The following BAZ2B variants were observed in gnomAD, a reference collection of about 807,000 sequenced individuals.
The protein encoded by BAZ2B is bromodomain adjacent to zinc finger domain 2B.
A neutral mutation model predicts 246.0 loss-of-function variants in BAZ2B; 91 were observed. The observed-to-expected ratio is 0.37, with a 90% CI of 0.31 to 0.44. The LOEUF is 0.44. Among genes scored for constraint, BAZ2B ranks in the 20% least tolerant of loss-of-function variants. The pLI is 1.00. For synonymous variants in BAZ2B, 855 were observed against 860.0 expected, an observed-to-expected ratio of 0.99 and a Z score of 0.10; for missense variants, 2,332 against 2,533.7, an observed-to-expected ratio of 0.92 and a Z score of 1.71.
chr2:159,570,313 C>T (rs4665081), intron 1 of BAZ2B, among the ~76,000 whole-genome samples: 83,782 of 151,790 alleles, frequency 0.55, 23,896 homozygotes, highest in East Asian at 0.74. Context: ...GCCTCCCGAG[C>T]AGTTGGGACT....
At chr2:159,596,357 T>C (rs1690705617) in intron 1 of BAZ2B, among the ~76,000 whole-genome samples, 1 of 152,210 alleles carries the variant, frequency 6.6e-6, no homozygotes, top group African/African-American at 2.4e-5. Context: ...TTTATAAAAA[T>C]ATGCGTGACA....
chr2:159,585,358 A>G lies in BAZ2B; in HGVS notation c.-45-29493T>C, dbSNP rs138381160. Reference sequence around the variant, plus strand: ...TATTTTAGGGATATAGTTGCAAAAAATACAATGATTTACAATTAGGGGATC... The same window carrying G: ...TATTTTAGGGATATAGTTGCAAAAAGTACAATGATTTACAATTAGGGGATC... On this transcript the variant is annotated intron_variant, in intron 1 of 36. Transcript: ENST00000392783. Among the ~76,000 whole-genome samples the G allele has an allele frequency of 2.4e-3, 372 of 152,370 alleles. 2 individuals are homozygous for G. Among genetic ancestry groups the G allele is most frequent in the Middle Eastern group, 6.8e-3 (2 of 294 alleles).
intron 1 of BAZ2B, among the ~76,000 whole-genome samples, chr2:159,608,371 T>C (rs1190099872): frequency 7.2e-5 from 11 of 152,090 alleles, no homozygotes; most frequent in Admixed American, 3.9e-4. Flanking sequence ...TGAGACCCTG[T>C]CTCCAAAAAA....
chr2:159,325,243 G>A (rs964899080), intron 35 of BAZ2B, among the ~76,000 whole-genome samples: 2 of 145,808 alleles, frequency 1.4e-5, no homozygotes, highest in Non-Finnish European at 3.0e-5. Flanking sequence ...TGATTCTCCT[G>A]CCTCAGCCCC....
At chr2:159,689,475 C>T in the BAZ2B span, 1 of 229,078 alleles carries the variant, frequency 4.4e-6, no homozygotes, top group African/African-American at 2.4e-5. Flanking sequence ...AGGTTCAAGT[C>T]ATCCTCCTGC....
chr2:159,322,756 T>C (rs769804228), intron 36 of BAZ2B, among the ~76,000 whole-genome samples: 5 of 152,068 alleles, frequency 3.3e-5, no homozygotes, highest in Non-Finnish European at 7.4e-5. Flanking sequence ...TTCTAAAAAT[T>C]TCTAGTTTAA....
chr2:159,409,892 C>A (rs2066555728), intron 14 of BAZ2B, among the ~76,000 whole-genome samples: 1 of 152,084 alleles, frequency 6.6e-6, no homozygotes, highest in African/African-American at 2.4e-5. Flanking sequence ...TGTATTATAA[C>A]AAGGGTAAAC....
At chr2:159,429,680 T>C (rs1022034922) in intron 10 of BAZ2B, among the ~76,000 whole-genome samples, 7 of 152,200 alleles carry the variant, frequency 4.6e-5, no homozygotes, top group African/African-American at 1.7e-4. Flanking sequence ...TTAATTTCTA[T>C]GTCCATATAA....
the BAZ2B span, among the ~76,000 whole-genome samples, chr2:159,640,815 G>C: frequency 1.3e-5 from 2 of 150,174 alleles, no homozygotes; most frequent in East Asian, 3.9e-4. Context: ...TCATAAGACA[G>C]GATGAAACAT....
chr2:159,452,398 A>T (rs1033226388), intron 4 of BAZ2B, among the ~76,000 whole-genome samples: 2 of 152,214 alleles, frequency 1.3e-5, no homozygotes, highest in Non-Finnish European at 2.9e-5. Flanking sequence ...TAATCCTCAC[A>T]AGAACCCTGT....
chr2:159,583,999 A>G (rs1029586311), intron 1 of BAZ2B, among the ~76,000 whole-genome samples: 1 of 152,196 alleles, frequency 6.6e-6, no homozygotes, highest in Non-Finnish European at 1.5e-5. Flanking sequence ...GTATTAAGAA[A>G]TAGGGGAGAG....
chr2:159,598,668 C>T (rs1017440419), intron 1 of BAZ2B, among the ~76,000 whole-genome samples: 1 of 151,948 alleles, frequency 6.6e-6, no homozygotes, highest in African/African-American at 2.4e-5. Flanking sequence ...GCCAAACAGA[C>T]CAGCCTGGCC....
At chr2:159,675,471 A>G in the BAZ2B span, among the ~76,000 whole-genome samples, 1 of 152,148 alleles carries the variant, frequency 6.6e-6, no homozygotes, top group Non-Finnish European at 1.5e-5. Context: ...TATGATAGCA[A>G]TGTATGTAGA....
chr2:159,698,130 A>G, the BAZ2B span, among the ~76,000 whole-genome samples: 1 of 152,228 alleles, frequency 6.6e-6, no homozygotes, highest in African/African-American at 2.4e-5. Flanking sequence ...TTTGCCCAGT[A>G]CATATTAGTA....
chr2:159,586,648 T>C (rs1451886159), intron 1 of BAZ2B, among the ~76,000 whole-genome samples: 2 of 152,152 alleles, frequency 1.3e-5, no homozygotes, highest in Non-Finnish European at 2.9e-5. Context: ...GCAGGAGGAC[T>C]GCTTGAGACT....
the BAZ2B span, chr2:159,693,876 T>C: frequency 2.0e-5 from 3 of 152,192 alleles, no homozygotes; most frequent in African/African-American, 7.2e-5. Flanking sequence ...AGCTGAAAAT[T>C]ACTTTTTTCA....
intron 2 of BAZ2B, among the ~76,000 whole-genome samples, chr2:159,543,323 A>G (rs2086881871): frequency 6.6e-6 from 1 of 152,144 alleles, no homozygotes; most frequent in Non-Finnish European, 1.5e-5. Context: ...TATTTTAGGT[A>G]TGATAATGCT....
chr2:159,463,798 A>T (rs2076706851), intron 3 of BAZ2B: 1 of 152,074 alleles, frequency 6.6e-6, no homozygotes, highest in Non-Finnish European at 1.5e-5. Context: ...TCCACCTCCC[A>T]GTTTCAAACA....
At chr2:159,446,706 T>A (rs2074301377) in intron 6 of BAZ2B, 76 bp downstream of exon 6, 2 of 1,340,204 alleles carry the variant, frequency 1.5e-6, no homozygotes, top group African/African-American at 2.9e-5. Context: ...AACCATAGAT[T>A]CTGTTGATTT....
Sources: gnomAD v4.1 joint callset for allele counts (sites outside exome capture counted in the v4.1 genomes callset) on GRCh38, gnomAD v4.1.1 for gene constraint, MANE v1.5 for transcripts, NCBI Gene and HGNC (gene_info 2026-07-23, HGNC 2026-07-21) for gene names.